The following NCAM2 variants were observed in gnomAD, a reference collection of about 807,000 sequenced individuals.
NCAM2 encodes N-CAM-2.
In NCAM2, 30 loss-of-function variants were observed where a neutral mutation model predicts 98.1. The observed-to-expected ratio is 0.31, with a 90% confidence interval of 0.23 to 0.41. The LOEUF (loss-of-function observed/expected upper bound fraction) is 0.41, where lower values mean the gene tolerates loss of function less well. Among genes scored for constraint, NCAM2 ranks in the 10% least tolerant of loss-of-function variants. NCAM2 has a pLI of 1.00. For synonymous variants in NCAM2, 368 were observed against 342.4 expected, an observed-to-expected ratio of 1.07 and a Z score of -0.83; for missense variants, 867 against 1,005.8, an observed-to-expected ratio of 0.86 and a Z score of 1.87.
chr21:21,385,721 C>CATGTGATAT (rs2076257992), intron 9 of NCAM2: 2 of 1,172,264 alleles, frequency 1.7e-6, no homozygotes, highest in Non-Finnish European at 1.1e-6. Context: ...AGAAAACAGG[C>CATGTGATAT]ATGTGATATA....
intron 1 of NCAM2, among the ~76,000 whole-genome samples, chr21:21,245,345 A>G (rs1410736127): frequency 1.3e-5 from 2 of 152,152 alleles, no homozygotes; most frequent in Non-Finnish European, 2.9e-5. Context: ...CTATGTTCAT[A>G]TGTGAGTGAT....
chr21:21,262,443 A>G (rs530591773), intron 1 of NCAM2, among the ~76,000 whole-genome samples: 53 of 152,276 alleles, frequency 3.5e-4, no homozygotes, highest in African/African-American at 1.3e-3. Context: ...CCTGATGAAT[A>G]TAGATGCAAA....
intron 16 of NCAM2, among the ~76,000 whole-genome samples, chr21:21,512,536 T>C (rs1569130854): frequency 1.3e-5 from 2 of 152,102 alleles, no homozygotes; most frequent in African/African-American, 4.8e-5. Context: ...CCTTCACTTT[T>C]GTTCTTTTGA....
chr21:21,271,430 T>A (rs144755792), intron 1 of NCAM2, among the ~76,000 whole-genome samples: 16 of 152,314 alleles, frequency 1.1e-4, no homozygotes, highest in Admixed American at 5.2e-4. Context: ...ACAAACAGCC[T>A]TTTTCAGTTT....
intron 1 of NCAM2, among the ~76,000 whole-genome samples, chr21:21,082,241 AAAG>A (rs1467791675): frequency 6.7e-6 from 1 of 149,428 alleles, no homozygotes; most frequent in Non-Finnish European, 1.5e-5. Flanking sequence ...AAAAAAAAAA[AAAG>A]AATTCTCTCA....
intron 12 of NCAM2, among the ~76,000 whole-genome samples, chr21:21,454,197 G>A (rs1981774975): frequency 6.6e-6 from 1 of 151,942 alleles, no homozygotes; most frequent in Admixed American, 6.6e-5. Flanking sequence ...AACAACTAAA[G>A]CCTACAGTGT....
At chr21:21,158,898 C>T (rs760801529) in intron 1 of NCAM2, among the ~76,000 whole-genome samples, 14 of 151,960 alleles carry the variant, frequency 9.2e-5, no homozygotes, top group East Asian at 1.9e-4. Context: ...AAAGAGAAAA[C>T]GTAACTATTA....
intron 15 of NCAM2, among the ~76,000 whole-genome samples, chr21:21,489,341 C>CTT (rs1450038560): frequency 6.6e-6 from 1 of 152,026 alleles, no homozygotes; most frequent in Admixed American, 6.6e-5. Context: ...TCCTTTCTTA[C>CTT]TTTCTTCTAA....
At chr21:21,489,329 T>C (rs1344387477) in intron 15 of NCAM2, among the ~76,000 whole-genome samples, 1 of 152,118 alleles carries the variant, frequency 6.6e-6, no homozygotes, top group African/African-American at 2.4e-5. Context: ...TATTTTCTTT[T>C]ATCCTTTCTT....
intron 12 of NCAM2, among the ~76,000 whole-genome samples, chr21:21,454,640 T>C (rs1981852765): frequency 2.0e-5 from 3 of 152,020 alleles, no homozygotes; most frequent in African/African-American, 7.2e-5. Flanking sequence ...TTGGTTTCAG[T>C]ATTAATTAAT....
rs542017732 is a variant in NCAM2, at chr21:21,034,052, A to AC, written c.55+35434_55+35435insC. Among the ~76,000 whole-genome samples, 9 of 142,252 alleles carry AC rather than the reference A, an allele frequency of 6.3e-5. No individual in the cohort carries two copies. In the Admixed American group the frequency reaches 6.4e-4, roughly 10 times the overall value. The allele number at this position is 142,252 out of a possible 152,430, so 93.3% of individuals were successfully genotyped here. On this transcript the variant is annotated intron_variant, in intron 1 of 17. Coordinates refer to ENST00000400546, the MANE Select transcript of NCAM2 (RefSeq NM_004540.5). The stretch of plus-strand genomic sequence containing the variant: ...AGGTTGTGAGATAAGAGATAGGCAA[A>AC]GGGGGGGGGGAAACAAAGATTGAGA...
At chr21:21,190,073 T>C (rs972197106) in intron 1 of NCAM2, among the ~76,000 whole-genome samples, 4 of 152,186 alleles carry the variant, frequency 2.6e-5, no homozygotes, top group Admixed American at 6.5e-5. Context: ...TGTGTTTACA[T>C]TGACCAAATT....
intron 12 of NCAM2, among the ~76,000 whole-genome samples, chr21:21,450,793 T>TGTATATATACACACAC (rs751489970): frequency 5.6e-5 from 8 of 143,428 alleles, no homozygotes; most frequent in African/African-American, 2.1e-4. Context: ...TATGTATGTA[T>TGTATATATACACACAC]ACACACACAC....
At chr21:21,230,300 C>T (rs1040980010) in intron 1 of NCAM2, among the ~76,000 whole-genome samples, 1 of 151,054 alleles carries the variant, frequency 6.6e-6, no homozygotes, top group African/African-American at 2.4e-5. Context: ...TTTTAAAAAT[C>T]ATTGTCTCAC....
rs1227534233 is a variant in NCAM2, at chr21:21,540,067, A to T, written c.*2110A>T. ...AATAGGGCCACATGGTTTTAAACTA[A>T]TGATGGTGAAAGAAATACGATGACT... On this transcript the variant is annotated 3_prime_UTR_variant, in exon 18 of 18. Transcript: ENST00000400546. 6.6e-6 allele frequency: 1 copy of T among 152,140 alleles called. No homozygotes were observed. The highest frequency in any genetic ancestry group is 1.9e-4 in the East Asian group (1 of 5,200). The allele number at this position is 152,140 out of a possible 1,614,324, so 9.4% of individuals were successfully genotyped here.
intron 12 of NCAM2, among the ~76,000 whole-genome samples, chr21:21,441,649 A>T (rs1202302672): frequency 6.6e-6 from 1 of 152,156 alleles, no homozygotes; most frequent in Non-Finnish European, 1.5e-5. Flanking sequence ...AGGTTGGGAG[A>T]CTTAGCAATT....
intron 1 of NCAM2, among the ~76,000 whole-genome samples, chr21:21,166,293 C>T (rs1180138179): frequency 1.3e-5 from 2 of 152,142 alleles, no homozygotes; most frequent in Non-Finnish European, 2.9e-5. Flanking sequence ...CTGCAACCTC[C>T]GCCTCCCAGG....
intron 5 of NCAM2, among the ~76,000 whole-genome samples, chr21:21,323,206 A>G (rs1186397731): frequency 6.6e-6 from 1 of 152,202 alleles, no homozygotes; most frequent in Non-Finnish European, 1.5e-5. Flanking sequence ...TCAAATGACA[A>G]TGTACTTAAA....
chr21:21,440,584 G>C (rs909497328), intron 12 of NCAM2, among the ~76,000 whole-genome samples: 12 of 152,050 alleles, frequency 7.9e-5, no homozygotes, highest in African/African-American at 2.9e-4. Flanking sequence ...TGGAGGCTGA[G>C]ATGGGAGGAT....
Sources: allele counts gnomAD v4.1 joint callset (sites outside exome capture counted in the v4.1 genomes callset), GRCh38; gene constraint gnomAD v4.1.1; transcripts MANE v1.5; gene names NCBI Gene and HGNC (gene_info 2026-07-23, HGNC 2026-07-21).